The following GRXCR1 variants were observed in gnomAD, a reference collection of about 807,000 sequenced individuals.
GRXCR1 encodes glutaredoxin domain-containing cysteine-rich protein 1.
Under a neutral mutation model 27.3 loss-of-function variants are expected in GRXCR1, and 27 were observed. The ratio of observed to expected loss-of-function variants is 0.99; its 90% confidence interval spans 0.73 to 1.37. GRXCR1 has a LOEUF of 1.37. GRXCR1 is among the 40% of genes most tolerant of loss of function. GRXCR1 has a pLI of 0.00. For synonymous variants in GRXCR1, 122 were observed against 131.1 expected (o/e 0.93, Z 0.47); for missense variants, 379 against 354.4 (o/e 1.07, Z -0.56).
rs1344149170 is a variant in GRXCR1, at chr4:42,897,592, TAGTATGTTTGTGGAAAAACC to T, written c.384+3963_384+3982del. Among the ~76,000 whole-genome samples, 412 of 152,086 alleles carry T rather than the reference TAGTATGTTTGTGGAAAAACC, an allele frequency of 2.7e-3. 3 individuals are homozygous for T. Among genetic ancestry groups the T allele is most frequent in the Middle Eastern group, 0.024 (7 of 294 alleles). On this transcript the variant is annotated intron_variant, in intron 1 of 3. Coordinates refer to ENST00000399770, the MANE Select transcript of GRXCR1 (RefSeq NM_001080476.3). ...TATTTCAAGACAAATGAAATAAAAG[TAGTATGTTTGTGGAAAAACC>T]AGTATGTTTGTGGAAAAACCTAAGG...
At chr4:42,962,733 A>G (rs1323340617) in intron 1 of GRXCR1, among the ~76,000 whole-genome samples, 159 bp from the exon 2 acceptor site, 2 of 152,028 alleles carry the variant, frequency 1.3e-5, no homozygotes, top group African/African-American at 4.8e-5. Flanking sequence ...CTGTATCCCA[A>G]TTACAGATGT....
chr4:42,936,601 G>A (rs1326516071), intron 1 of GRXCR1, among the ~76,000 whole-genome samples: 1 of 151,830 alleles, frequency 6.6e-6, no homozygotes, highest in African/African-American at 2.4e-5. Context: ...ATTAATTAAA[G>A]TCCATACTTT....
intron 2 of GRXCR1, among the ~76,000 whole-genome samples, chr4:43,001,087 CAGCTAATTTTTGTATTTTTTTTTTTT>C (rs1192076050): frequency 6.6e-6 from 1 of 151,542 alleles, no homozygotes; most frequent in African/African-American, 2.4e-5. Flanking sequence ...TCATTGTGCC[CAGCTAATTTTTGTATTTTTTTTTTTT>C]TTGGAGAGAC....
intron 2 of GRXCR1, among the ~76,000 whole-genome samples, chr4:43,019,284 C>CA (rs1346535781): frequency 6.6e-6 from 1 of 151,932 alleles, no homozygotes. Context: ...TGTGCATTTA[C>CA]AAAAAAATAC....
At chr4:42,949,981 C>T (rs1227574286) in intron 1 of GRXCR1, among the ~76,000 whole-genome samples, 1 of 152,182 alleles carries the variant, frequency 6.6e-6, no homozygotes, top group Non-Finnish European at 1.5e-5. Flanking sequence ...ACAGGTATTT[C>T]AACCCGTAAA....
intron 2 of GRXCR1, among the ~76,000 whole-genome samples, chr4:42,969,567 C>G (rs544919261): frequency 1.3e-5 from 2 of 151,918 alleles, no homozygotes; most frequent in African/African-American, 4.8e-5. Flanking sequence ...AGAGAGGGAT[C>G]GAGAGAGCAA....
rs745784596 is a variant in GRXCR1, at chr4:42,990,173, C to CTTTTTTTT, written c.627+27068_627+27075dup. On this transcript the variant is annotated intron_variant, in intron 2 of 3. Coordinates refer to ENST00000399770, the MANE Select transcript of GRXCR1 (RefSeq NM_001080476.3). The stretch of plus-strand genomic sequence containing the variant: ...AACTTCTTGAATTGAATTATTAGTT[C>CTTTTTTTT]TTTTTTTTTTTTTTTTTTTTTTTTT... 1.3e-3 allele frequency among the ~76,000 whole-genome samples: 61 copies of CTTTTTTTT among 46,230 alleles called. 23 individuals carry two copies. The highest frequency in any genetic ancestry group is 1.7e-3 in the Non-Finnish European group (45 of 26,052). The allele number at this position is 46,230 out of a possible 152,430, so 30.3% of individuals were successfully genotyped here.
chr4:42,984,264 T>G (rs574530445), intron 2 of GRXCR1, among the ~76,000 whole-genome samples: 45 of 152,234 alleles, frequency 3.0e-4, no homozygotes, highest in Non-Finnish European at 5.0e-4. Flanking sequence ...CTTTTTTAAA[T>G]TTCTTTCTTG....
chr4:42,914,721 A>G (rs369814399), intron 1 of GRXCR1, among the ~76,000 whole-genome samples: 4 of 151,758 alleles, frequency 2.6e-5, no homozygotes, highest in Non-Finnish European at 4.4e-5. Context: ...TCCCCACCCA[A>G]CTCCCACCTT....
At chr4:42,895,281 G>C (rs573107357) in intron 1 of GRXCR1, among the ~76,000 whole-genome samples, 1 of 152,150 alleles carries the variant, frequency 6.6e-6, no homozygotes, top group East Asian at 1.9e-4. Flanking sequence ...CAATAAAACT[G>C]CCTTTTTCTA....
At chr4:42,920,847 G>GT (rs1240302843) in intron 1 of GRXCR1, among the ~76,000 whole-genome samples, 1 of 151,758 alleles carries the variant, frequency 6.6e-6, no homozygotes. Flanking sequence ...CTTCCCTCTG[G>GT]TTTTTTTGAT....
At position 42,893,528 on chromosome 4, in the gene GRXCR1, A is replaced by C; in HGVS notation, c.262A>C (p.Ser88Arg). 1 of 1,613,922 alleles carries C rather than the reference A, an allele frequency of 6.2e-7. No homozygotes were observed. Among genetic ancestry groups the C allele is most frequent in the Non-Finnish European group, 8.5e-7 (1 of 1,179,848 alleles). The change falls in exon 1 of 4, where the codon AGT becomes CGT. Residue 88 changes from serine to arginine, a missense_variant. Physicochemically the swap from Ser to Arg is moderately radical, Grantham distance 110 (BLOSUM62 -1). Coordinates refer to ENST00000399770, the MANE Select transcript of GRXCR1 (RefSeq NM_001080476.3). ...CTTGCTGGTGTTAGCAAGGGCTGCC[A>C]GTGAGAAGGGTTTTGGTACAAGAAG... is the stretch of plus-strand genomic sequence containing the variant. ...DSLLVLARAA[S>R]EKGFGTRRVN...
intron 2 of GRXCR1, among the ~76,000 whole-genome samples, chr4:43,001,527 A>G (rs1055652857): frequency 6.6e-6 from 1 of 152,148 alleles, no homozygotes; most frequent in African/African-American, 2.4e-5. Flanking sequence ...TCCCGGGGAG[A>G]AATGTTTTTA....
chr4:42,938,765 TG>T (rs1324736839), intron 1 of GRXCR1, among the ~76,000 whole-genome samples: 1 of 152,078 alleles, frequency 6.6e-6, no homozygotes, highest in Non-Finnish European at 1.5e-5. Context: ...AGACAATTTT[TG>T]CTCCAGTGTA....
chr4:42,899,082 A>T (rs1746410603), intron 1 of GRXCR1, among the ~76,000 whole-genome samples: 1 of 152,104 alleles, frequency 6.6e-6, no homozygotes, highest in Non-Finnish European at 1.5e-5. Context: ...TGCTTATGGT[A>T]TTAGCGCACA....
rs371376333 is a variant in GRXCR1 at position 42,904,741 on chromosome 4, A to G, written c.384+11091A>G. Among the ~76,000 whole-genome samples the G allele has an allele frequency of 4.3e-4, 65 of 152,288 alleles. 2 individuals are homozygous for G. In the South Asian group the frequency reaches 9.7e-3, roughly 23 times the overall value. On this transcript the variant is annotated intron_variant, in intron 1 of 3. Transcript: ENST00000399770. ...CTTCTTCAAACAAATTGTGAATCAA[A>G]TACTACTAAGTATTCTGCTAGTCAT... is the stretch of plus-strand genomic sequence containing the variant.
At chr4:42,898,667 T>G (rs1281304165) in intron 1 of GRXCR1, among the ~76,000 whole-genome samples, 2 of 152,112 alleles carry the variant, frequency 1.3e-5, no homozygotes, top group East Asian at 3.9e-4. Context: ...TGCATTGATA[T>G]TTATTCCTTA....
chr4:43,026,630 C>A (rs16855242), intron 3 of GRXCR1, among the ~76,000 whole-genome samples: 1 of 152,104 alleles, frequency 6.6e-6, no homozygotes, highest in African/African-American at 2.4e-5. Flanking sequence ...TGGGAAAAAA[C>A]GGATGCAAAT....
At chr4:42,930,800 G>T (rs1450286042) in intron 1 of GRXCR1, among the ~76,000 whole-genome samples, 5 of 152,028 alleles carry the variant, frequency 3.3e-5, no homozygotes, top group African/African-American at 1.2e-4. Context: ...ATAGTCCCTG[G>T]CACATAGAAA....
Sources: gnomAD v4.1 joint callset for allele counts (sites outside exome capture counted in the v4.1 genomes callset) on GRCh38, gnomAD v4.1.1 for gene constraint, MANE v1.5 for transcripts, NCBI Gene and HGNC (gene_info 2026-07-23, HGNC 2026-07-21) for gene names.